Variants in IL1RAP observed in about 807,000 individuals in gnomAD.
The protein encoded by IL1RAP is interleukin 1 receptor accessory protein.
In IL1RAP, 35 loss-of-function variants were observed where a neutral mutation model predicts 60.7. The observed-to-expected ratio is 0.58, with a 90% confidence interval of 0.44 to 0.76. IL1RAP has a LOEUF of 0.76. IL1RAP is among the 30% of genes least tolerant of loss of function. The pLI is 0.00. For synonymous variants in IL1RAP, 268 were observed against 250.9 expected (o/e 1.07, Z -0.64); for missense variants, 572 against 693.9 (o/e 0.82, Z 1.97).
chr3:190,641,106 C>T (rs1733630610), intron 9 of IL1RAP, among the ~76,000 whole-genome samples: 2 of 152,186 alleles, frequency 1.3e-5, no homozygotes, highest in South Asian at 4.1e-4. Context: ...GCTGGGATTA[C>T]AGGCATGCGC....
chr3:190,553,695 C>CG (rs1725098179), intron 1 of IL1RAP, among the ~76,000 whole-genome samples: 1 of 152,196 alleles, frequency 6.6e-6, no homozygotes, highest in African/African-American at 2.4e-5. Context: ...TCTTTTCTGA[C>CG]CCCTGAGCGT....
intron 3 of IL1RAP, among the ~76,000 whole-genome samples, chr3:190,572,039 T>G (rs1726971887): frequency 6.6e-6 from 1 of 152,194 alleles, no homozygotes; most frequent in South Asian, 2.1e-4. Context: ...TAGTTTTGTT[T>G]GCCCTTTTTT....
intron 3 of IL1RAP, among the ~76,000 whole-genome samples, chr3:190,576,571 G>A (rs562067288): frequency 5.3e-4 from 81 of 152,214 alleles, no homozygotes; most frequent in African/African-American, 1.9e-3. Flanking sequence ...GTCTGGCAGA[G>A]ATTAAAGAAC....
intron 3 of IL1RAP, among the ~76,000 whole-genome samples, chr3:190,590,382 A>C (rs1728842789): frequency 6.6e-6 from 1 of 151,944 alleles, no homozygotes; most frequent in African/African-American, 2.4e-5. Flanking sequence ...CACCCTCCCA[A>C]GTAGCTGGGA....
At chr3:190,584,083 G>C (rs9862847) in intron 3 of IL1RAP, among the ~76,000 whole-genome samples, 1 of 152,028 alleles carries the variant, frequency 6.6e-6, no homozygotes, top group Non-Finnish European at 1.5e-5. Flanking sequence ...ACCACTGATC[G>C]TTTTCTGCTC....
chr3:190,644,995 A>G (rs1470101719), intron 10 of IL1RAP, among the ~76,000 whole-genome samples: 1 of 152,188 alleles, frequency 6.6e-6, no homozygotes, highest in Non-Finnish European at 1.5e-5. Flanking sequence ...TTAGAAGAAG[A>G]ATCTTAGACC....
chr3:190,584,406 A>T (rs1373735055), intron 3 of IL1RAP, among the ~76,000 whole-genome samples: 1 of 152,230 alleles, frequency 6.6e-6, no homozygotes. Flanking sequence ...TGGTAAGGTC[A>T]TTAGGTATGT....
At chr3:190,524,637 T>C (rs991563487) in intron 1 of IL1RAP, among the ~76,000 whole-genome samples, 2 of 152,154 alleles carry the variant, frequency 1.3e-5, no homozygotes, top group East Asian at 1.9e-4. Flanking sequence ...GATTATAAAG[T>C]CCACAAGGAC....
chr3:190,555,358 G>A (rs767488863), intron 1 of IL1RAP, among the ~76,000 whole-genome samples: 35 of 148,866 alleles, frequency 2.4e-4, no homozygotes, highest in Non-Finnish European at 4.6e-4. Context: ...AAATGCCTCT[G>A]CTGCAGCACT....
intron 2 of IL1RAP, among the ~76,000 whole-genome samples, chr3:190,561,591 A>G (rs1480252756): frequency 6.6e-6 from 1 of 152,204 alleles, no homozygotes; most frequent in South Asian, 2.1e-4. Flanking sequence ...TAAACAGGCA[A>G]ACTGGGAAAA....
At chr3:190,558,230 A>G (rs1270233324) in intron 2 of IL1RAP, among the ~76,000 whole-genome samples, 3 of 152,172 alleles carry the variant, frequency 2.0e-5, no homozygotes, top group African/African-American at 7.2e-5. Context: ...GCAATTAATA[A>G]TAGGGCTTCT....
At chr3:190,637,232 A>G (rs1028982036) in intron 9 of IL1RAP, among the ~76,000 whole-genome samples, 2 of 152,090 alleles carry the variant, frequency 1.3e-5, no homozygotes, top group Non-Finnish European at 2.9e-5. Flanking sequence ...TTCTGACACT[A>G]TCCATTCTTG....
exon 12 of IL1RAP, chr3:190,657,830 G>A (rs1289664880): frequency 6.6e-6 from 1 of 152,166 alleles, no homozygotes; most frequent in Admixed American, 6.6e-5. Flanking sequence ...GTCAAGACTT[G>A]TGGATCAACT....
chr3:190,609,111 A>G lies in IL1RAP; in HGVS notation c.467A>G (p.Gln156Arg), dbSNP rs750572436. ...VHKLYIEYGI[Q>R]RITCPNVDGY... The stretch of plus-strand genomic sequence containing the variant: ...AAACTGTATATAGAATATGGCATTC[A>G]GAGGATCACTTGTCCAAATGTAGAT... The change falls in exon 5 of 12, where the codon CAG (glutamine) becomes CGG (arginine). Residue 156 changes from glutamine to arginine, a missense_variant. Transcript: ENST00000447382. 1 of 1,613,196 alleles carries G rather than the reference A, an allele frequency of 6.2e-7. No individual in the cohort carries two copies. Among genetic ancestry groups the G allele is most frequent in the Non-Finnish European group, 8.5e-7 (1 of 1,179,410 alleles).
intron 3 of IL1RAP, among the ~76,000 whole-genome samples, chr3:190,595,191 T>C (rs1214522691): frequency 6.6e-6 from 1 of 152,224 alleles, no homozygotes; most frequent in Admixed American, 6.5e-5. Context: ...TGTTTGCCAG[T>C]GCATCCCAAG....
Position 190,644,303 on chromosome 3 carries a change from G to A in IL1RAP, c.1107G>A (p.Leu369=). The change falls in exon 10 of 12, where the codon CTG becomes CTA. Residue 369 remains leucine, a synonymous_variant. Transcript: ENST00000447382. ...CTTGTGGTTTTGGAGCCACAGTCCT[G>A]CTAGTGGTGATTCTCATTGTTGTTT... ...ELACGFGATV[L]LVVILIVVYH... 6.2e-7 allele frequency: 1 copy of A among 1,613,910 alleles called. No homozygotes were observed. The highest frequency in any genetic ancestry group is 8.5e-7 in the Non-Finnish European group (1 of 1,179,870).
chr3:190,637,440 C>T, intron 9 of IL1RAP, among the ~76,000 whole-genome samples: 1 of 151,732 alleles, frequency 6.6e-6, no homozygotes, highest in East Asian at 1.9e-4. Context: ...TACCTAGATC[C>T]TACCATTAAC....
chr3:190,516,148 G>A (rs1034799166), intron 1 of IL1RAP: 35 of 152,256 alleles, frequency 2.3e-4, no homozygotes, highest in African/African-American at 7.7e-4. Context: ...TTTGTATGCA[G>A]TATTGGTAAG....
At chr3:190,551,038 TG>T (rs1256807854) in intron 1 of IL1RAP, among the ~76,000 whole-genome samples, 1 of 152,240 alleles carries the variant, frequency 6.6e-6, no homozygotes, top group Non-Finnish European at 1.5e-5. Flanking sequence ...CTTTTAAAGC[TG>T]AGCCTAACCA....
Sources: gnomAD v4.1 joint callset for allele counts (sites outside exome capture counted in the v4.1 genomes callset) on GRCh38, gnomAD v4.1.1 for gene constraint, MANE v1.5 for transcripts, NCBI Gene and HGNC (gene_info 2026-07-23, HGNC 2026-07-21) for gene names.